Variants in TBC1D15 observed in about 807,000 individuals in gnomAD.
TBC1D15 encodes the protein TBC1 domain family member 15.
Under a neutral mutation model 95.4 loss-of-function variants are expected in TBC1D15, and 39 were observed. That is an observed-to-expected ratio of 0.41 (90% CI 0.32 to 0.53). The LOEUF is 0.53. Ranked by LOEUF, TBC1D15 falls within the 20% of genes least tolerant of loss-of-function variation. The pLI, the probability that TBC1D15 is intolerant of heterozygous loss-of-function variation, is 0.29. For missense variants in TBC1D15, 733 were observed against 794.3 expected (o/e 0.92, Z 0.93); for synonymous variants, 258 against 261.3 (o/e 0.99, Z 0.12).
At chr12:71,861,373 C>A in intron 1 of TBC1D15, 2 of 1,236,504 alleles carry the variant, frequency 1.6e-6, no homozygotes, top group South Asian at 2.1e-5. Context: ...ATTACTGATT[C>A]AAACTTACTG....
chr12:71,919,137 C>T (rs2139091535), intron 14 of TBC1D15, among the ~76,000 whole-genome samples: 1 of 151,582 alleles, frequency 6.6e-6, no homozygotes, highest in African/African-American at 2.4e-5. Flanking sequence ...TCCATGGCAA[C>T]CTTTAATGAA....
At chr12:71,919,956 A>AACCTCAACAATTGGGTTGTAATT (rs1196560342) in intron 14 of TBC1D15, among the ~76,000 whole-genome samples, 3 of 152,232 alleles carry the variant, frequency 2.0e-5, no homozygotes, top group Non-Finnish European at 2.9e-5. Flanking sequence ...CATTGTAATT[A>AACCTCAACAATTGGGTTGTAATT]AACTTTCAAC....
intron 1 of TBC1D15, among the ~76,000 whole-genome samples, chr12:71,845,008 A>G (rs1885949065): frequency 6.6e-6 from 1 of 152,196 alleles, no homozygotes; most frequent in Non-Finnish European, 1.5e-5. Flanking sequence ...TGGGCAGGCT[A>G]TTGCTTATGT....
chr12:71,866,813 G>A (rs572610974), intron 1 of TBC1D15, among the ~76,000 whole-genome samples: 96 of 152,252 alleles, frequency 6.3e-4, no homozygotes, highest in Non-Finnish European at 1.2e-3. Context: ...TGCTTGTTGC[G>A]GGTTGGGGAG....
intron 7 of TBC1D15, 61 bp from the exon 8 acceptor site, chr12:71,895,886 A>G (rs1898058260): frequency 2.0e-6 from 3 of 1,503,254 alleles, no homozygotes; most frequent in Admixed American, 4.0e-5. Flanking sequence ...TAGTTTCTAT[A>G]TGCCTTTATT....
intron 5 of TBC1D15, among the ~76,000 whole-genome samples, chr12:71,892,994 G>T (rs1216832688): frequency 6.6e-6 from 1 of 151,420 alleles, no homozygotes; most frequent in African/African-American, 2.4e-5. Context: ...TTTTATTTAC[G>T]TTATATACAG....
At chr12:71,873,828 G>C in intron 3 of TBC1D15, among the ~76,000 whole-genome samples, 1 of 152,208 alleles carries the variant, frequency 6.6e-6, no homozygotes, top group East Asian at 1.9e-4. Context: ...GCTTAGAACA[G>C]TCTTAATTTA....
At chr12:71,856,797 A>C (rs1006676186) in intron 1 of TBC1D15, among the ~76,000 whole-genome samples, 5 of 152,312 alleles carry the variant, frequency 3.3e-5, no homozygotes, top group African/African-American at 7.2e-5. Flanking sequence ...GTCAGTGTCC[A>C]TATATGCTGA....
intron 14 of TBC1D15, 22 bp downstream of exon 14, chr12:71,918,570 C>A: frequency 7.4e-7 from 1 of 1,354,600 alleles, no homozygotes; most frequent in South Asian, 1.3e-5. Context: ...AATTATTATG[C>A]AAATGTGATA....
At chr12:71,850,796 C>T (rs1015061480) in intron 1 of TBC1D15, among the ~76,000 whole-genome samples, 10 of 151,670 alleles carry the variant, frequency 6.6e-5, no homozygotes, top group African/African-American at 1.7e-4. Flanking sequence ...AGACCATCTT[C>T]GGCAACATGG....
Position 71,920,825 on chromosome 12 carries a change from A to G in TBC1D15, c.1694A>G (p.Tyr565Cys), listed in dbSNP as rs1201815912. 8 of 1,610,730 alleles carry G rather than the reference A, an allele frequency of 5.0e-6. No individual in the cohort carries two copies. The highest frequency in any genetic ancestry group is 6.8e-6 in the Non-Finnish European group (8 of 1,178,348). Residue 565 changes from tyrosine to cysteine, a missense_variant, in exon 15 of 17, where the codon TAT (tyrosine) becomes TGT (cysteine). Tyr to Cys is a radical substitution (Grantham distance 194). Coordinates refer to ENST00000485960, the MANE Select transcript of TBC1D15 (RefSeq NM_001146213.3). Reference sequence around the variant, plus strand: ...AAGCAGCAAATAATGGAAAAGCATTATGGCTTCAATGAAATACTTAAGGTA... The same window carrying G: ...AAGCAGCAAATAATGGAAAAGCATTGTGGCTTCAATGAAATACTTAAGGTA... The part of the protein sequence containing the change: ...SEKQQIMEKH[Y>C]GFNEILKHIN...
At chr12:71,861,622 A>C in intron 1 of TBC1D15, 1 of 763,700 alleles carries the variant, frequency 1.3e-6, no homozygotes, top group Non-Finnish European at 1.8e-6. Flanking sequence ...TGGTTTGTCA[A>C]TTTTGGCTGC....
At chr12:71,921,475 T>C (rs1442122354) in intron 16 of TBC1D15, 21 bp downstream of exon 16, 2 of 1,376,976 alleles carry the variant, frequency 1.5e-6, no homozygotes, top group African/African-American at 1.5e-5. Flanking sequence ...TTTCAAGTAA[T>C]TGCAAGATTT....
intron 11 of TBC1D15, among the ~76,000 whole-genome samples, chr12:71,912,607 C>T (rs981287866): frequency 6.6e-6 from 1 of 151,994 alleles, no homozygotes; most frequent in Admixed American, 6.6e-5. Context: ...TAAAGTTTTC[C>T]TCCAAAACAG....
At chr12:71,887,623 C>A (rs1896491837) in intron 5 of TBC1D15, among the ~76,000 whole-genome samples, 1 of 152,146 alleles carries the variant, frequency 6.6e-6, no homozygotes, top group Non-Finnish European at 1.5e-5. Flanking sequence ...TTTCTGATCC[C>A]TGAGGTCTCC....
intron 1 of TBC1D15, among the ~76,000 whole-genome samples, chr12:71,868,471 C>T (rs1891967432): frequency 6.6e-6 from 1 of 152,104 alleles, no homozygotes; most frequent in African/African-American, 2.4e-5. Context: ...CGGTCTCGAT[C>T]TCCTGACCTC....
At chr12:71,858,065 C>T (rs1234226305) in intron 1 of TBC1D15, among the ~76,000 whole-genome samples, 1 of 151,858 alleles carries the variant, frequency 6.6e-6, no homozygotes, top group Non-Finnish European at 1.5e-5. Context: ...ATATATGCAA[C>T]ATTTTCTTTC....
At chr12:71,922,761 A>C (rs555303516) in intron 16 of TBC1D15, among the ~76,000 whole-genome samples, 2 of 152,292 alleles carry the variant, frequency 1.3e-5, no homozygotes, top group South Asian at 4.1e-4. Flanking sequence ...TGGGATGGAG[A>C]GTGACTAATT....
At chr12:71,894,536 A>G (rs1897807374) in intron 6 of TBC1D15, 150 bp from the exon 7 acceptor site, 2 of 1,083,366 alleles carry the variant, frequency 1.8e-6, no homozygotes, top group Non-Finnish European at 2.6e-6. Flanking sequence ...CTTTGAAGAA[A>G]GAAAATACAA....
Sources: gnomAD v4.1 joint callset for allele counts (sites outside exome capture counted in the v4.1 genomes callset) on GRCh38, gnomAD v4.1.1 for gene constraint, MANE v1.5 for transcripts, NCBI Gene and HGNC (gene_info 2026-07-23, HGNC 2026-07-21) for gene names.